ANGPTL6: variants seen among roughly 807,000 people sequenced by gnomAD.
ANGPTL6 encodes angiopoietin like 6.
ANGPTL6 carries 45 observed loss-of-function variants against 47.4 expected under a neutral mutation model. That is an observed-to-expected ratio of 0.95 (90% CI 0.75 to 1.22). The LOEUF is 1.22. Ranked by LOEUF, ANGPTL6 falls within the 50% of genes most tolerant of loss-of-function variation. The pLI, the probability that ANGPTL6 is intolerant of heterozygous loss-of-function variation, is 0.00. For synonymous variants in ANGPTL6, 290 were observed against 295.9 expected, an observed-to-expected ratio of 0.98 and a Z score of 0.20; for missense variants, 698 against 669.4, an observed-to-expected ratio of 1.04 and a Z score of -0.47.
upstream of ANGPTL6, chr19:10,106,137 C>G (rs2088813795): frequency 3.3e-6 from 2 of 612,184 alleles, no homozygotes. Flanking sequence ...GGAAATGGGC[C>G]GAAGCGGGAT....
At chr19:10,101,949 CAAA>C (rs903648674) in intron 1 of ANGPTL6, among the ~76,000 whole-genome samples, 1 of 96,570 alleles carries the variant, frequency 1.0e-5, no homozygotes, top group Admixed American at 1.1e-4. Context: ...ACTAAAAATA[CAAA>C]AAAAAAAAAA....
chr19:10,095,161 A>G (rs1379614345), intron 2 of ANGPTL6, among the ~76,000 whole-genome samples: 1 of 152,148 alleles, frequency 6.6e-6, no homozygotes, highest in Non-Finnish European at 1.5e-5. Context: ...TAATCCCAGC[A>G]CTTTGGGAGG....
At chr19:10,093,043 G>A (rs1038475687) in intron 5 of ANGPTL6, 42 of 489,468 alleles carry the variant, frequency 8.6e-5, no homozygotes, top group Non-Finnish European at 1.2e-4. Flanking sequence ...GGAGTCTACC[G>A]TTCATTCCTT....
At chr19:10,105,829 C>T (rs2088806586), upstream of ANGPTL6, among the ~76,000 whole-genome samples, 1 of 152,218 alleles carries the variant, frequency 6.6e-6, no homozygotes, top group South Asian at 2.1e-4. Flanking sequence ...GAGTTATTCA[C>T]GAAACGCCCG....
chr19:10,100,909 G>A (rs866389062), intron 1 of ANGPTL6, among the ~76,000 whole-genome samples: 14 of 151,698 alleles, frequency 9.2e-5, no homozygotes, highest in East Asian at 1.9e-4. Context: ...TTGGGAGGCC[G>A]AGGTGCCTGT....
At chr19:10,101,919 C>A (rs2088690034) in intron 1 of ANGPTL6, among the ~76,000 whole-genome samples, 1 of 141,850 alleles carries the variant, frequency 7.0e-6, no homozygotes, top group African/African-American at 2.6e-5. Context: ...TCCTGGCTAA[C>A]ACAGTGAAAT....
In ANGPTL6 at chr19:10,096,096, C is replaced by A. The variant is rs2088522064; in HGVS notation, c.468G>T (p.Arg156=). ...GGAACTTGACGTCCAGCTGGTGGAA[C>A]CGGGCGGCTGCGCGCTGAGCCTCGG... ...ASAEAQRAAA[R]FHQLDVKFRE... Residue 156 remains arginine (R), a synonymous_variant, in exon 2 of 6, where the codon CGG becomes CGT. Coordinates refer to ENST00000253109, the MANE Select transcript of ANGPTL6 (RefSeq NM_031917.3). 5.4e-6 allele frequency: 8 copies of A among 1,492,812 alleles called. No individual in the cohort carries two copies. The highest frequency in any genetic ancestry group is 7.1e-6 in the Non-Finnish European group (8 of 1,123,666). The allele number at this position is 1,492,812 out of a possible 1,614,324, so 92.5% of individuals were successfully genotyped here. A position where few individuals can be genotyped will look rare whatever the true frequency, so the allele number is the denominator to read the frequency against.
rs985107357 is a variant in ANGPTL6, at chr19:10,102,664, C to T, written c.-107G>A. On this transcript the variant is annotated 5_prime_UTR_variant, in exon 1 of 6. Coordinates refer to ENST00000253109, the MANE Select transcript of ANGPTL6 (RefSeq NM_031917.3). The stretch of plus-strand genomic sequence containing the variant: ...TCCAGTGGGGCCTCTGAGCTAGAGA[C>T]GGGGAGAGGGCAGTGGGACAGAAGG... 1.8e-5 allele frequency: 18 copies of T among 984,658 alleles called. No homozygotes were observed. Among genetic ancestry groups the T allele is most frequent in the African/African-American group, 7.0e-5 (4 of 57,182 alleles). 61.0% of individuals were successfully genotyped at this position (984,658 alleles called of 1,614,324 possible).
At chr19:10,103,281 C>T (rs147078594), upstream of ANGPTL6, among the ~76,000 whole-genome samples, 30 of 151,850 alleles carry the variant, frequency 2.0e-4, no homozygotes, top group East Asian at 1.7e-3. Flanking sequence ...CACATTTGCA[C>T]GCACGCACAC....
chr19:10,106,007 G>A (rs2088810451), upstream of ANGPTL6, among the ~76,000 whole-genome samples: 3 of 152,230 alleles, frequency 2.0e-5, no homozygotes, highest in African/African-American at 4.8e-5. Flanking sequence ...TGGCGCCAGA[G>A]CGCCCAACAT....
chr19:10,092,949 T>C, intron 5 of ANGPTL6, 170 bp from the exon 6 acceptor site: 1 of 546,646 alleles, frequency 1.8e-6, no homozygotes, highest in East Asian at 3.1e-5. Context: ...GCCCCCCAAC[T>C]TTCTTCAGAG....
rs1455132712 is a variant in ANGPTL6 at position 10,093,337 on chromosome 19, A to G, written c.1222+12T>C. ...TCCCCTATCCTCTCACCAGAATAGG[A>G]GTTCTCCTTACCAGAATAGGAGTCT... On this transcript the variant is annotated intron_variant, in intron 5 of 5. Transcript: ENST00000253109. The G allele has an allele frequency of 3.7e-6, 6 of 1,608,002 alleles. No homozygotes were observed. Among genetic ancestry groups the G allele is most frequent in the Non-Finnish European group, 4.3e-6 (5 of 1,175,296 alleles).
At chr19:10,099,072 G>A (rs1599290786) in intron 1 of ANGPTL6, among the ~76,000 whole-genome samples, 1 of 152,056 alleles carries the variant, frequency 6.6e-6, no homozygotes, top group East Asian at 1.9e-4. Flanking sequence ...GACCCTCCCT[G>A]AATTCCCAGC....
rs375247825 is a variant in ANGPTL6, at chr19:10,093,675, C to G, written c.951+18G>C. Reference sequence around the variant, plus strand: ...ACAGGCTCCCTCCCCTTCCCTGCCTCTGCCCACCTGTGCCCACCTTATAGT... The same window carrying G: ...ACAGGCTCCCTCCCCTTCCCTGCCTGTGCCCACCTGTGCCCACCTTATAGT... On this transcript the variant is annotated intron_variant, in intron 4 of 5. Coordinates refer to ENST00000253109, the MANE Select transcript of ANGPTL6 (RefSeq NM_031917.3). 2 of 1,613,594 alleles carry G rather than the reference C, an allele frequency of 1.2e-6. No homozygotes were observed. Among genetic ancestry groups the G allele is most frequent in the African/African-American group, 1.3e-5 (1 of 74,938 alleles).
upstream of ANGPTL6, chr19:10,106,180 G>C (rs2088815464): frequency 2.5e-6 from 2 of 801,932 alleles, no homozygotes; most frequent in Non-Finnish European, 3.7e-6. Flanking sequence ...CTGCAGCCCG[G>C]AGCCGCGTAG....
intron 1 of ANGPTL6, among the ~76,000 whole-genome samples, chr19:10,102,115 C>CAAAA (rs111902676): frequency 7.6e-4 from 33 of 43,492 alleles, no homozygotes; most frequent in Non-Finnish European, 9.0e-4. Context: ...GACTCTGTCT[C>CAAAA]AAAAAAAAAA....
At chr19:10,097,714 G>A (rs571168067) in intron 1 of ANGPTL6, among the ~76,000 whole-genome samples, 35 of 152,052 alleles carry the variant, frequency 2.3e-4, no homozygotes, top group African/African-American at 6.3e-4. Flanking sequence ...TTAGCTGGGC[G>A]TGGTGGCGGG....
chr19:10,095,320 G>C (rs1351265286), intron 2 of ANGPTL6, among the ~76,000 whole-genome samples: 1 of 152,224 alleles, frequency 6.6e-6, no homozygotes, highest in Admixed American at 6.5e-5. Context: ...GTTGAGGTAG[G>C]AGGATCGCTT....
rs945212774 is a variant in ANGPTL6, at chr19:10,096,309, GGCC to G, written c.252_254del (p.Ala85del). 14 of 1,240,792 alleles carry G rather than the reference GGCC, an allele frequency of 1.1e-5. No individual in the cohort carries two copies. In the Admixed American group the frequency reaches 5.5e-4, roughly 49 times the overall value. 76.9% of individuals were successfully genotyped at this position (1,240,792 alleles called of 1,614,324 possible). A position where few individuals can be genotyped will look rare whatever the true frequency, so the allele number is the denominator to read the frequency against. On this transcript the variant is annotated inframe_deletion, in exon 2 of 6. Coordinates refer to ENST00000253109, the MANE Select transcript of ANGPTL6 (RefSeq NM_031917.3). ...GCACCTCGCCGGCCACGGCGCCGTC[GGCC>G]GCCGCCAGCCTCTGCAGCTCGCGTA...
Sources: allele counts gnomAD v4.1 joint callset (sites outside exome capture counted in the v4.1 genomes callset), GRCh38; gene constraint gnomAD v4.1.1; transcripts MANE v1.5; gene names NCBI Gene and HGNC (gene_info 2026-07-23, HGNC 2026-07-21).